The following PDE1A variants were observed in gnomAD, a reference collection of about 807,000 sequenced individuals.
PDE1A encodes phosphodiesterase 1A.
PDE1A carries 35 observed loss-of-function variants against 61.7 expected under a neutral mutation model. The observed-to-expected ratio is 0.57, with a 90% CI of 0.43 to 0.75. The LOEUF (loss-of-function observed/expected upper bound fraction) is 0.75. PDE1A is among the 30% of genes least tolerant of loss of function. The pLI is 0.00. For synonymous variants in PDE1A, 232 were observed against 213.2 expected (o/e 1.09, Z -0.77); for missense variants, 597 against 630.6 (o/e 0.95, Z 0.57).
At chr2:182,374,775 C>A (rs1700301498) in intron 1 of PDE1A, among the ~76,000 whole-genome samples, 1 of 152,156 alleles carries the variant, frequency 6.6e-6, no homozygotes, top group Non-Finnish European at 1.5e-5. Context: ...TGATTTACCA[C>A]TTTTGTATTA....
chr2:182,443,833 A>G (rs1684955977), intron 2 of PDE1A, among the ~76,000 whole-genome samples: 1 of 150,068 alleles, frequency 6.7e-6, no homozygotes, highest in Non-Finnish European at 1.5e-5. Context: ...CCTCCCAAGT[A>G]GCTGGGATTA....
chr2:182,278,877 CA>C (rs1559288500), intron 1 of PDE1A, among the ~76,000 whole-genome samples: 1 of 151,918 alleles, frequency 6.6e-6, no homozygotes, highest in African/African-American at 2.4e-5. Context: ...TAAAGTAAGC[CA>C]AACACAGTTT....
intron 1 of PDE1A, among the ~76,000 whole-genome samples, chr2:182,335,540 G>A (rs1432926151): frequency 5.3e-5 from 8 of 152,156 alleles, no homozygotes. Flanking sequence ...TTTAATAAAT[G>A]GTGTTGGGAA....
At chr2:182,556,240 C>A in the PDE1A span, among the ~76,000 whole-genome samples, 1 of 151,950 alleles carries the variant, frequency 6.6e-6, no homozygotes, top group Admixed American at 6.6e-5. Flanking sequence ...CTATTTAAAC[C>A]ACCTAAAATT....
chr2:182,422,704 T>C (rs940096428), intron 1 of PDE1A, among the ~76,000 whole-genome samples: 5 of 152,120 alleles, frequency 3.3e-5, no homozygotes, highest in African/African-American at 9.7e-5. Context: ...TTAATGAATA[T>C]AGTCATATAA....
At chr2:182,487,792 A>G (rs747309260) in intron 2 of PDE1A, among the ~76,000 whole-genome samples, 8 of 152,172 alleles carry the variant, frequency 5.3e-5, no homozygotes, top group Admixed American at 1.3e-4. Context: ...TATGTAAATT[A>G]TGCCTTAACA....
intron 1 of PDE1A, among the ~76,000 whole-genome samples, chr2:182,293,119 A>G (rs970818056): frequency 6.6e-6 from 1 of 152,086 alleles, no homozygotes; most frequent in Non-Finnish European, 1.5e-5. Context: ...ATTAGCTGAT[A>G]TTTTAAAGGT....
intron 2 of PDE1A, among the ~76,000 whole-genome samples, chr2:182,255,256 T>G (rs1373717398): frequency 6.6e-6 from 1 of 152,240 alleles, no homozygotes; most frequent in Non-Finnish European, 1.5e-5. Flanking sequence ...ATCATTTGTT[T>G]GTTTAAACTG....
chr2:182,452,220 C>T (rs971281762), intron 2 of PDE1A, among the ~76,000 whole-genome samples: 5 of 152,042 alleles, frequency 3.3e-5, no homozygotes, highest in East Asian at 1.9e-4. Context: ...CATTGTAACC[C>T]GCTACCAACA....
intron 8 of PDE1A, among the ~76,000 whole-genome samples, chr2:182,204,671 T>C (rs1686948910): frequency 6.6e-6 from 1 of 152,262 alleles, no homozygotes; most frequent in Non-Finnish European, 1.5e-5. Context: ...ATACAAATTA[T>C]GTATTTATCA....
chr2:182,299,272 A>G (rs1428804900), intron 1 of PDE1A, among the ~76,000 whole-genome samples: 1 of 151,690 alleles, frequency 6.6e-6, no homozygotes, highest in South Asian at 2.1e-4. Context: ...TATGTCCACA[A>G]ACTCATCTGG....
chr2:182,627,651 T>G, the PDE1A span, among the ~76,000 whole-genome samples: 1 of 151,396 alleles, frequency 6.6e-6, no homozygotes, highest in East Asian at 1.9e-4. Flanking sequence ...AGTTAAAAAT[T>G]AATTCAAATT....
At chr2:182,481,693 G>A (rs1000655141) in intron 2 of PDE1A, among the ~76,000 whole-genome samples, 2 of 151,946 alleles carry the variant, frequency 1.3e-5, no homozygotes, top group Non-Finnish European at 2.9e-5. Context: ...CAAGAAAAAT[G>A]AATATGTGGG....
upstream of PDE1A, among the ~76,000 whole-genome samples, chr2:182,428,070 G>C (rs931959278): frequency 3.3e-5 from 5 of 152,084 alleles, no homozygotes; most frequent in African/African-American, 7.2e-5. Flanking sequence ...GGAGAAGAGA[G>C]TTATAAGGGA....
At chr2:182,494,765 C>A (rs1396716538) in intron 2 of PDE1A, among the ~76,000 whole-genome samples, 6 of 152,040 alleles carry the variant, frequency 3.9e-5, no homozygotes, top group Non-Finnish European at 5.9e-5. Context: ...TTGGAATCTT[C>A]TTCCTCTCCA....
intron 10 of PDE1A, among the ~76,000 whole-genome samples, chr2:182,190,323 C>A (rs1685583514): frequency 6.6e-6 from 1 of 152,170 alleles, no homozygotes; most frequent in South Asian, 2.1e-4. Flanking sequence ...CCTAATTCCT[C>A]TGGATAATAA....
At chr2:182,457,130 G>A (rs572147080) in intron 2 of PDE1A, among the ~76,000 whole-genome samples, 1 of 152,152 alleles carries the variant, frequency 6.6e-6, no homozygotes, top group African/African-American at 2.4e-5. Context: ...CAGGCGAGGT[G>A]TGCTCCATCT....
chr2:182,348,566 C>T (rs1698664033), intron 1 of PDE1A, among the ~76,000 whole-genome samples: 1 of 152,062 alleles, frequency 6.6e-6, no homozygotes, highest in African/African-American at 2.4e-5. Context: ...TTTCTCCTGT[C>T]TTTGACACAT....
At chr2:182,674,581 T>C in the PDE1A span, among the ~76,000 whole-genome samples, 1 of 151,316 alleles carries the variant, frequency 6.6e-6, no homozygotes, top group Non-Finnish European at 1.5e-5. Flanking sequence ...GATACATATA[T>C]ATATATATAT....
Sources: gnomAD v4.1 joint callset for allele counts (sites outside exome capture counted in the v4.1 genomes callset) on GRCh38, gnomAD v4.1.1 for gene constraint, MANE v1.5 for transcripts, NCBI Gene and HGNC (gene_info 2026-07-23, HGNC 2026-07-21) for gene names.